The following SLC12A4 variants were observed in gnomAD, a reference collection of about 807,000 sequenced individuals.
The protein encoded by SLC12A4 is electroneutral potassium-chloride cotransporter 1.
Under a neutral mutation model 119.2 loss-of-function variants are expected in SLC12A4, and 84 were observed. That is an observed-to-expected ratio of 0.70 (90% confidence interval 0.59 to 0.85). The LOEUF (loss-of-function observed/expected upper bound fraction) is 0.85, where lower values mean the gene tolerates loss of function less well. SLC12A4 is among the 40% of genes least tolerant of loss of function. The probability of loss-of-function intolerance (pLI) is 0.00; values close to 1 mark genes in which losing one functional copy is unlikely to be tolerated. For synonymous variants in SLC12A4, 599 were observed against 604.6 expected (o/e 0.99, Z 0.14); for missense variants, 1,298 against 1,476.3 (o/e 0.88, Z 1.98).
rs893947008 is a variant in SLC12A4, at chr16:67,943,874, G to T, written c.*966C>A. 6 of 1,404,010 alleles carry T rather than the reference G, an allele frequency of 4.3e-6. No homozygotes were observed. The African/African-American group carries it at 7.2e-5, about 17-fold the overall frequency. 87.0% of individuals were successfully genotyped at this position (1,404,010 alleles called of 1,614,324 possible). ...TGCAGGGCAGAAGGGCTTTGGCCAGGTCAGCTGCCAGGGGCTGGGGCCCAG... is the reference window on the plus strand; with the variant it reads ...TGCAGGGCAGAAGGGCTTTGGCCAGTTCAGCTGCCAGGGGCTGGGGCCCAG... On this transcript the variant is annotated 3_prime_UTR_variant, in exon 24 of 24. Transcript: ENST00000316341. This position sits in a 1 kb window ranked among gnomAD's most constrained non-coding sequence, Gnocchi z 4.6.
chr16:67,963,521 G>C lies in SLC12A4; in HGVS notation c.154C>G (p.Pro52Ala), dbSNP rs1471851915. 17 of 1,586,714 alleles carry C rather than the reference G, an allele frequency of 1.1e-5. No individual in the cohort carries two copies. Among genetic ancestry groups the C allele is most frequent in the Non-Finnish European group, 1.5e-5 (17 of 1,171,944 alleles). Residue 52 changes from proline (P) to alanine (A), a missense_variant, in exon 2 of 24, where the codon CCC becomes GCC. Coordinates refer to ENST00000316341, the MANE Select transcript of SLC12A4 (RefSeq NM_005072.5). ...TCAATTCCTCTGGAAGCCTCCAAGG[G>C]GGAAAGAAAAGGGCTGCTCTCTCTG... ...NHRESSPFLS[P>A]LEASRGIDYY... is the part of the protein sequence containing the mutation.
At chr16:67,956,561 C>G (rs1196067894) in intron 5 of SLC12A4, among the ~76,000 whole-genome samples, 1 of 151,814 alleles carries the variant, frequency 6.6e-6, no homozygotes, top group East Asian at 1.9e-4. Flanking sequence ...GTAATCCCAG[C>G]TACTCAGGAG....
chr16:67,945,148 G>A lies in SLC12A4; in HGVS notation c.3105C>T (p.Asp1035=), dbSNP rs373093291. 2.1e-5 allele frequency: 33 copies of A among 1,599,300 alleles called. No individual in the cohort carries two copies. Among genetic ancestry groups the A allele is most frequent in the Admixed American group, 1.2e-4 (7 of 58,238 alleles). ...GCATGTTTAGGAGAACCAGGCGGGCGTCGTGGGAGCGCGTGACAATGACTT... is the reference window on the plus strand; with the variant it reads ...GCATGTTTAGGAGAACCAGGCGGGCATCGTGGGAGCGCGTGACAATGACTT... ...LNEVIVTRSH[D]ARLVLLNMPG... is the part of the protein sequence containing the mutation. Residue 1035 remains aspartate, a synonymous_variant, in exon 23 of 24, where the codon GAC becomes GAT. Transcript: ENST00000316341.
Position 67,951,246 on chromosome 16 carries a change from G to T in SLC12A4, c.1191C>A (p.Pro397=). The change falls in exon 9 of 24, where the codon CCC becomes CCA. Residue 397 remains proline (P), a synonymous_variant. Coordinates refer to ENST00000316341, the MANE Select transcript of SLC12A4 (RefSeq NM_005072.5). The surrounding 1 kb of genome is among the most constrained non-coding windows in gnomAD (Gnocchi z 5.2). The stretch of plus-strand genomic sequence containing the variant: ...CCTTCAGGCTCGGGGCATCTGCGGA[G>T]GGCAGCCCATGCTTCTCCACGATGT... ...KGDIVEKHGL[P]SADAPSLKES... The T allele has an allele frequency of 6.2e-7, 1 of 1,614,088 alleles. No homozygotes were observed. The highest frequency in any genetic ancestry group is 8.5e-7 in the Non-Finnish European group (1 of 1,179,984).
chr16:67,963,417 A>C, intron 2 of SLC12A4, 48 bp downstream of exon 2: 1 of 1,338,172 alleles, frequency 7.5e-7, no homozygotes, highest in East Asian at 2.5e-5. Flanking sequence ...CTGCTTAGCT[A>C]AAGCCTCTGT....
At chr16:67,962,370 C>T (rs2151338230) in intron 2 of SLC12A4, 2 of 152,414 alleles carry the variant, frequency 1.3e-5, no homozygotes, top group South Asian at 4.1e-4. Context: ...GTCCCCCAGC[C>T]CCACCGGGGT....
chr16:67,953,130 C>T lies in SLC12A4; in HGVS notation c.676-705G>A, dbSNP rs1200494222. On this transcript the variant is annotated intron_variant, in intron 6 of 23. Transcript: ENST00000316341. ...TAAATGAATAGGCCGGGCGCAATGG[C>T]TCATGCCTATAATCCCAGCACTCTG... Among the ~76,000 whole-genome samples the T allele has an allele frequency of 3.9e-5, 6 of 152,120 alleles. No individual in the cohort carries two copies. In the South Asian group the frequency reaches 6.2e-4, roughly 16 times the overall value.
Position 67,946,461 on chromosome 16 carries a change from G to C in SLC12A4, c.2414C>G (p.Pro805Arg). The C allele has an allele frequency of 6.2e-7, 1 of 1,606,408 alleles. No individual in the cohort carries two copies. Residue 805 changes from proline to arginine, a missense_variant, in exon 18 of 24, where the codon CCC becomes CGC. Physicochemically the swap from Pro to Arg is moderately radical, Grantham distance 103. Coordinates refer to ENST00000316341, the MANE Select transcript of SLC12A4 (RefSeq NM_005072.5). Reference protein sequence around the residue: ...WPYGWRQSEDPRAWKTFIDTV... With the variant: ...WPYGWRQSEDRRAWKTFIDTV... ...ACCAATGAAGGTCTTCCAGGCACGG[G>C]GGTCCTCGCTCTGTCGCCAGCCGTA...
Position 67,951,316 on chromosome 16 carries a change from G to C in SLC12A4, c.1133-12C>G. On this transcript the variant is annotated splice_polypyrimidine_tract_variant and intron_variant, in intron 8 of 23. Coordinates refer to ENST00000316341, the MANE Select transcript of SLC12A4 (RefSeq NM_005072.5). This position sits in a 1 kb window ranked among gnomAD's most constrained non-coding sequence, Gnocchi z 5.2. ...GCTCCACAGGTTTTCTGCAGGGGTA[G>C]CTGTGTCACCACCACAGCTGCCCCC... 2 of 1,608,746 alleles carry C rather than the reference G, an allele frequency of 1.2e-6. No individual in the cohort carries two copies. The highest frequency in any genetic ancestry group is 1.7e-6 in the Non-Finnish European group (2 of 1,176,580).
chr16:67,945,091 C>A lies in SLC12A4; in HGVS notation c.3162G>T (p.Glu1054Asp). The change falls in exon 23 of 24, where the codon GAG (glutamate) becomes GAT (aspartate). Residue 1054 changes from glutamate to aspartate, a missense_variant. Coordinates refer to ENST00000316341, the MANE Select transcript of SLC12A4 (RefSeq NM_005072.5). ...TGCCTCTCCACAAAGGGATACAGTT[C>A]TCGTCGCCCTCACTGTTCCTGGGTG... ...PGPPRNSEGD[E>D]NYMEFLEVLT... The A allele has an allele frequency of 6.3e-7, 1 of 1,580,108 alleles. No homozygotes were observed. Among genetic ancestry groups the A allele is most frequent in the South Asian group, 1.2e-5 (1 of 86,232 alleles).
rs948848393 is a variant in SLC12A4 at position 67,968,569 on chromosome 16, C to T, written c.-16G>A. On this transcript the variant is annotated 5_prime_UTR_variant, in exon 1 of 24. Coordinates refer to ENST00000316341, the MANE Select transcript of SLC12A4 (RefSeq NM_005072.5). ...AGTGAGGCATCGTGCGGGCTCGGCC[C>T]CGCCGCACCCGCCGTCCCAGCCGCC... 5.3e-6 allele frequency: 8 copies of T among 1,502,684 alleles called. No homozygotes were observed. The highest frequency in any genetic ancestry group is 7.1e-6 in the Non-Finnish European group (8 of 1,130,986). 93.1% of individuals were successfully genotyped at this position (1,502,684 alleles called of 1,614,324 possible).
rs376059966 is a variant in SLC12A4 at position 67,947,376 on chromosome 16, G to A, written c.2027C>T (p.Ala676Val). ...RGLSLSAARY[A>V]LLRLEEGPPH... Reference sequence around the variant, plus strand: ...AGGCCCCTCCTCCAGCCGCAACAGCGCGTAGCGGGCAGCGCTCAGGGACAG... The same window carrying A: ...AGGCCCCTCCTCCAGCCGCAACAGCACGTAGCGGGCAGCGCTCAGGGACAG... The change falls in exon 16 of 24, where the codon GCG becomes GTG. Residue 676 changes from alanine to valine, a missense_variant. Coordinates refer to ENST00000316341, the MANE Select transcript of SLC12A4 (RefSeq NM_005072.5). 1.3e-5 allele frequency: 21 copies of A among 1,612,736 alleles called. No individual in the cohort carries two copies. Among genetic ancestry groups the A allele is most frequent in the Admixed American group, 1.7e-5 (1 of 59,988 alleles).
chr16:67,966,624 C>A, intron 1 of SLC12A4: 1 of 1,221,762 alleles, frequency 8.2e-7, no homozygotes, highest in African/African-American at 1.5e-5. Context: ...ATGAGCAAGC[C>A]CATCTAGGCC....
Position 67,952,337 on chromosome 16 carries a change from C to T in SLC12A4, c.764G>A (p.Gly255Glu), listed in dbSNP as rs368780530. 13 of 1,613,996 alleles carry T rather than the reference C, an allele frequency of 8.1e-6. No individual in the cohort carries two copies. The highest frequency in any genetic ancestry group is 9.3e-6 in the Non-Finnish European group (11 of 1,180,030). ...NATLNNMRVY[G>E]TIFLTFMTLV... Reference sequence around the variant, plus strand: ...GGTCATGAAGGTCAGGAAAATGGTCCCATACACACGCATATTGTTCAAAGT... The same window carrying T: ...GGTCATGAAGGTCAGGAAAATGGTCTCATACACACGCATATTGTTCAAAGT... The change falls in exon 7 of 24, where the codon GGG becomes GAG. Residue 255 changes from glycine to glutamate, a missense_variant. Coordinates refer to ENST00000316341, the MANE Select transcript of SLC12A4 (RefSeq NM_005072.5).
intron 1 of SLC12A4, chr16:67,964,037 G>A (rs1483375425): frequency 7.1e-6 from 11 of 1,550,552 alleles, no homozygotes; most frequent in African/African-American, 6.8e-5. Context: ...TGGCCCAAAG[G>A]TGGCCGGCTG....
Position 67,951,016 on chromosome 16 carries a change from G to A in SLC12A4, c.1342C>T (p.Gln448Ter). 1 of 1,613,956 alleles carries A rather than the reference G, an allele frequency of 6.2e-7. No individual in the cohort carries two copies. Residue 448 changes from glutamine (Q) to a stop codon, truncating the protein, a stop_gained, in exon 10 of 24, where the codon CAG (glutamine) becomes TAG (stop). Transcript: ENST00000316341. LOFTEE classifies it high-confidence loss of function. The surrounding 1 kb of genome is among the most constrained non-coding windows in gnomAD (Gnocchi z 5.2). The part of the protein sequence containing the change: ...SNRSGDLRDA[Q>*]KSIPVGTILA... The stretch of plus-strand genomic sequence containing the variant: ...ATGGTCCCCACAGGGATAGACTTCT[G>A]GGCGTCACGAAGGTCCCCAGAGCGG...
In SLC12A4 at chr16:67,943,965, G is replaced by C; in HGVS notation, c.*875C>G. On this transcript the variant is annotated 3_prime_UTR_variant, in exon 24 of 24. Transcript: ENST00000316341. This position sits in a 1 kb window ranked among gnomAD's most constrained non-coding sequence, Gnocchi z 4.6. ...GGGCTTACCGAGGATGACGGGCCGT[G>C]TGTGGTTACTGAGCTCAGCCTTGGG... 1 of 1,547,920 alleles carries C rather than the reference G, an allele frequency of 6.5e-7. No individual in the cohort carries two copies. Among genetic ancestry groups the C allele is most frequent in the Non-Finnish European group, 8.7e-7 (1 of 1,145,256 alleles).
rs577153695 is a variant in SLC12A4 at position 67,949,786 on chromosome 16, C to T, written c.1748+14G>A. On this transcript the variant is annotated intron_variant, in intron 13 of 23. Coordinates refer to ENST00000316341, the MANE Select transcript of SLC12A4 (RefSeq NM_005072.5). This position sits in a 1 kb window ranked among gnomAD's most constrained non-coding sequence, Gnocchi z 4.6. ...CCTTTCCCCATCCCCCTGCCCTGCCCGGCCCCAGCTCACATGGATAAGATG... is the reference window on the plus strand; with the variant it reads ...CCTTTCCCCATCCCCCTGCCCTGCCTGGCCCCAGCTCACATGGATAAGATG... 1.8e-5 allele frequency: 28 copies of T among 1,583,558 alleles called. No homozygotes were observed. Among genetic ancestry groups the T allele is most frequent in the Middle Eastern group, 1.7e-4 (1 of 5,984 alleles).
chr16:67,944,119 C>A lies in SLC12A4; in HGVS notation c.*721G>T. On this transcript the variant is annotated 3_prime_UTR_variant, in exon 24 of 24. Transcript: ENST00000316341. This position sits in a 1 kb window ranked among gnomAD's most constrained non-coding sequence, Gnocchi z 6.6. ...GGCCCCATTCCAGCCCTGGTGCCTA[C>A]TGCCAGAGAAAGCGGCACTGGGCTG... The A allele has an allele frequency of 1.1e-5, 17 of 1,546,634 alleles. No homozygotes were observed. The highest frequency in any genetic ancestry group is 1.5e-5 in the Non-Finnish European group (17 of 1,145,442).
Sources: allele counts gnomAD v4.1 joint callset (sites outside exome capture counted in the v4.1 genomes callset), GRCh38; gene constraint gnomAD v4.1.1; non-coding constraint Gnocchi (gnomAD v3.1); transcripts MANE v1.5; gene names NCBI Gene and HGNC (gene_info 2026-07-23, HGNC 2026-07-21).